PGBD4: variants seen among roughly 807,000 people sequenced by gnomAD.
PGBD4 encodes piggyBac transposable element derived 4.
A neutral mutation model predicts 0.3 loss-of-function variants in PGBD4; 1 was observed. The ratio of observed to expected loss-of-function variants is 3.72; its 90% CI spans 1.32 to 17.64. The LOEUF (loss-of-function observed/expected upper bound fraction) is 17.64. Ranked by LOEUF, PGBD4 falls within the 30% of genes most tolerant of loss-of-function variation. The probability of loss-of-function intolerance (pLI) is 0.11; values close to 1 mark genes in which losing one functional copy is unlikely to be tolerated. For synonymous variants in PGBD4, 253 were observed against 267.7 expected (o/e 0.95, Z 0.54); for missense variants, 624 against 719.7 (o/e 0.87, Z 1.52).
chr15:34,102,169 A>G lies in PGBD4; in HGVS notation c.-363A>G. 1 of 459,566 alleles carries G rather than the reference A, an allele frequency of 2.2e-6. No individual in the cohort carries two copies. Among genetic ancestry groups the G allele is most frequent in the East Asian group, 3.8e-5 (1 of 26,378 alleles). 28.5% of individuals were successfully genotyped at this position (459,566 alleles called of 1,614,324 possible). ...AGGCCAAGGACCTCACGGGAGTAAA[A>G]GATGACGAGACTGGCTTCGGGAGAA... On this transcript the variant is annotated 5_prime_UTR_variant, in exon 1 of 1. Coordinates refer to ENST00000397766, the MANE Select transcript of PGBD4 (RefSeq NM_152595.5). This position sits in a 1 kb window ranked among gnomAD's most constrained non-coding sequence, Gnocchi z 4.7.
In PGBD4 at chr15:34,106,791, G is replaced by A. The variant is rs756728781; in HGVS notation, c.*2502G>A. The A allele has an allele frequency of 3.3e-5, 5 of 150,906 alleles. No individual in the cohort carries two copies. Among genetic ancestry groups the A allele is most frequent in the Non-Finnish European group, 7.4e-5 (5 of 67,814 alleles). 9.3% of individuals were successfully genotyped at this position (150,906 alleles called of 1,614,324 possible). On this transcript the variant is annotated 3_prime_UTR_variant, in exon 1 of 1. Coordinates refer to ENST00000397766, the MANE Select transcript of PGBD4 (RefSeq NM_152595.5). Reference sequence around the variant, plus strand: ...GAAAAATATATACATTAAAAATAAGGCCAGGCACAGTGGCATGCCTGTAGT... The same window carrying A: ...GAAAAATATATACATTAAAAATAAGACCAGGCACAGTGGCATGCCTGTAGT...
chr15:34,104,153 G>C lies in PGBD4; in HGVS notation c.1622G>C (p.Cys541Ser). ...TSGKQNPTGR[C>S]KICCSQYDKD... ...GGGAAACAGAATCCAACTGGTCGCT[G>C]CAAAATTTGCTGCTCCCAATACGAC... Residue 541 changes from cysteine to serine, a missense_variant, in exon 1 of 1, where the codon TGC becomes TCC. Transcript: ENST00000397766. 1 of 1,614,160 alleles carries C rather than the reference G, an allele frequency of 6.2e-7. No individual in the cohort carries two copies. The highest frequency in any genetic ancestry group is 1.1e-5 in the South Asian group (1 of 91,090).
rs1901193328 is a variant in PGBD4, at chr15:34,102,312, C to T, written c.-220C>T. ...ATTTCTCCTTAGCCCCGAGATTACG[C>T]GCTGCTGTGCCTGCGACTGCAGCGT... On this transcript the variant is annotated 5_prime_UTR_variant, in exon 1 of 1. Transcript: ENST00000397766. The surrounding 1 kb of genome is among the most constrained non-coding windows in gnomAD (Gnocchi z 4.7). 2 of 614,358 alleles carry T rather than the reference C, an allele frequency of 3.3e-6. No homozygotes were observed. The highest frequency in any genetic ancestry group is 5.3e-6 in the Non-Finnish European group (2 of 374,898). The allele number at this position is 614,358 out of a possible 1,614,324, so 38.1% of individuals were successfully genotyped here. A position where few individuals can be genotyped will look rare whatever the true frequency, so the allele number is the denominator to read the frequency against.
Position 34,105,603 on chromosome 15 carries a change from C to CT in PGBD4, c.*1320dup. The CT allele has an allele frequency of 6.0e-6, 1 of 167,098 alleles. No individual in the cohort carries two copies. The highest frequency in any genetic ancestry group is 1.5e-5 in the Non-Finnish European group (1 of 68,116). 10.4% of individuals were successfully genotyped at this position (167,098 alleles called of 1,614,324 possible). On this transcript the variant is annotated 3_prime_UTR_variant, in exon 1 of 1. Coordinates refer to ENST00000397766, the MANE Select transcript of PGBD4 (RefSeq NM_152595.5). ...GCAGTACTGGGGTACTTGCCTTCAT[C>CT]TTTTTTCTGAAGATAGTTACTTCTT...
rs1567505796 is a variant in PGBD4, at chr15:34,104,100, T to C, written c.1569T>C (p.His523=). The change falls in exon 1 of 1, where the codon CAT becomes CAC. Residue 523 remains histidine, a synonymous_variant. Transcript: ENST00000397766. ...CACCTCTTCGTCTGTCTGGAAGACA[T>C]TTCCCCAAGAGCATACCAGCAACGT... ...DVTPLRLSGR[H]FPKSIPATSG... 5.6e-6 allele frequency: 9 copies of C among 1,614,096 alleles called. No individual in the cohort carries two copies. In the African/African-American group the frequency reaches 6.7e-5, roughly 12 times the overall value.
At position 34,103,321 on chromosome 15, in the gene PGBD4, C is replaced by G. The variant is rs199581079; in HGVS notation, c.790C>G (p.Gln264Glu). Residue 264 changes from glutamine to glutamate, a missense_variant, in exon 1 of 1, where the codon CAG becomes GAG. Coordinates refer to ENST00000397766, the MANE Select transcript of PGBD4 (RefSeq NM_152595.5). This position sits in a 1 kb window ranked among gnomAD's most constrained non-coding sequence, Gnocchi z 4.6. ...MLFKGPLAMK[Q>E]YLPTKRVRFG... ...GTTCAAGGGGCCATTAGCTATGAAG[C>G]AGTACCTCCCGACAAAACGAGTACG... 4.3e-6 allele frequency: 7 copies of G among 1,614,206 alleles called. No homozygotes were observed. In the South Asian group the frequency reaches 5.5e-5, roughly 13 times the overall value.
At position 34,104,436 on chromosome 15, in the gene PGBD4, C is replaced by T; in HGVS notation, c.*147C>T. 1 of 844,536 alleles carries T rather than the reference C, an allele frequency of 1.2e-6. No homozygotes were observed. The highest frequency in any genetic ancestry group is 1.8e-6 in the Non-Finnish European group (1 of 561,540). 52.3% of individuals were successfully genotyped at this position (844,536 alleles called of 1,614,324 possible). A position where few individuals can be genotyped will look rare whatever the true frequency, so the allele number is the denominator to read the frequency against. On this transcript the variant is annotated 3_prime_UTR_variant, in exon 1 of 1. Coordinates refer to ENST00000397766, the MANE Select transcript of PGBD4 (RefSeq NM_152595.5). ...TGGCCAACATGGTGAAACCCTGTCTCTACTAAAAATACAACAATTAGCTGG... is the reference window on the plus strand; with the variant it reads ...TGGCCAACATGGTGAAACCCTGTCTTTACTAAAAATACAACAATTAGCTGG...
At position 34,105,178 on chromosome 15, in the gene PGBD4, G is replaced by C. The variant is rs1483106585; in HGVS notation, c.*889G>C. 1.2e-5 allele frequency: 2 copies of C among 167,090 alleles called. No individual in the cohort carries two copies. The highest frequency in any genetic ancestry group is 2.9e-5 in the Non-Finnish European group (2 of 68,124). 10.4% of individuals were successfully genotyped at this position (167,090 alleles called of 1,614,324 possible). Reference sequence around the variant, plus strand: ...AAAAGGATTGGAAGACAATTTATCTGATGCTACACTATTCTTCCTGTTGTG... The same window carrying C: ...AAAAGGATTGGAAGACAATTTATCTCATGCTACACTATTCTTCCTGTTGTG... On this transcript the variant is annotated 3_prime_UTR_variant, in exon 1 of 1. Coordinates refer to ENST00000397766, the MANE Select transcript of PGBD4 (RefSeq NM_152595.5).
In PGBD4 at chr15:34,104,166, C is replaced by T. The variant is rs201953814; in HGVS notation, c.1635C>T (p.Cys545=). 3.1e-6 allele frequency: 5 copies of T among 1,614,212 alleles called. No homozygotes were observed. Among genetic ancestry groups the T allele is most frequent in the Non-Finnish European group, 4.2e-6 (5 of 1,180,044 alleles). ...CAACTGGTCGCTGCAAAATTTGCTG[C>T]TCCCAATACGACAAGGATGGCAAGA... ...QNPTGRCKIC[C]SQYDKDGKKI... is the part of the protein sequence containing the mutation. The change falls in exon 1 of 1, where the codon TGC becomes TGT. Residue 545 remains cysteine (C), a synonymous_variant. Transcript: ENST00000397766.
Position 34,102,654 on chromosome 15 carries a change from T to C in PGBD4, c.123T>C (p.Phe41=), listed in dbSNP as rs1901198705. The change falls in exon 1 of 1, where the codon TTT becomes TTC. Residue 41 remains phenylalanine, a synonymous_variant. Transcript: ENST00000397766. The surrounding 1 kb of genome is among the most constrained non-coding windows in gnomAD (Gnocchi z 4.7). ...DFSEIDDSDN[F]SDSALEADKI... Reference sequence around the variant, plus strand: ...CGGAAATAGATGATTCTGATAATTTTTCGGATAGTGCTTTAGAAGCCGATA... The same window carrying C: ...CGGAAATAGATGATTCTGATAATTTCTCGGATAGTGCTTTAGAAGCCGATA... 1.2e-6 allele frequency: 2 copies of C among 1,614,194 alleles called. No individual in the cohort carries two copies. Among genetic ancestry groups the C allele is most frequent in the Non-Finnish European group, 1.7e-6 (2 of 1,180,030 alleles).
chr15:34,102,521 C>T lies in PGBD4; in HGVS notation c.-11C>T, dbSNP rs1901196322. ...TCCATCTACAAAATATAGTAATTCT[C>T]GATCGCTGAAATGTCAAATCCTAGA... On this transcript the variant is annotated 5_prime_UTR_variant, in exon 1 of 1. Transcript: ENST00000397766. The surrounding 1 kb of genome is among the most constrained non-coding windows in gnomAD (Gnocchi z 4.7). 6.7e-7 allele frequency: 1 copy of T among 1,497,468 alleles called. No individual in the cohort carries two copies. The highest frequency in any genetic ancestry group is 1.4e-5 in the African/African-American group (1 of 71,092). 92.8% of individuals were successfully genotyped at this position (1,497,468 alleles called of 1,614,324 possible).
In PGBD4 at chr15:34,103,284, A is replaced by G. The variant is rs1361607470; in HGVS notation, c.753A>G (p.Glu251=). 4 of 1,614,106 alleles carry G rather than the reference A, an allele frequency of 2.5e-6. No individual in the cohort carries two copies. The highest frequency in any genetic ancestry group is 3.4e-6 in the Non-Finnish European group (4 of 1,180,048). ...YTPNRNIAVD[E]SLMLFKGPLA... ...CAAACAGAAACATTGCAGTTGATGAATCACTGATGCTGTTCAAGGGGCCAT... is the reference window on the plus strand; with the variant it reads ...CAAACAGAAACATTGCAGTTGATGAGTCACTGATGCTGTTCAAGGGGCCAT... The change falls in exon 1 of 1, where the codon GAA becomes GAG. Residue 251 remains glutamate (E), a synonymous_variant. Transcript: ENST00000397766. This position sits in a 1 kb window ranked among gnomAD's most constrained non-coding sequence, Gnocchi z 4.6.
At position 34,103,097 on chromosome 15, in the gene PGBD4, G is replaced by A. The variant is rs1901208175; in HGVS notation, c.566G>A (p.Arg189Lys). 6.2e-7 allele frequency: 1 copy of A among 1,613,746 alleles called. No individual in the cohort carries two copies. The highest frequency in any genetic ancestry group is 8.5e-7 in the Non-Finnish European group (1 of 1,179,974). The change falls in exon 1 of 1, where the codon AGG becomes AAG. Residue 189 changes from arginine (R) to lysine (K), a missense_variant. Coordinates refer to ENST00000397766, the MANE Select transcript of PGBD4 (RefSeq NM_152595.5). This position sits in a 1 kb window ranked among gnomAD's most constrained non-coding sequence, Gnocchi z 4.6. The part of the protein sequence containing the change: ...TRPLLDTPYL[R>K]QIMTGERFLL... ...CCTCTTTTGGATACACCTTATCTCA[G>A]GCAAATTATGACTGGTGAAAGATTT...
At position 34,104,181 on chromosome 15, in the gene PGBD4, G is replaced by A. The variant is rs1322397201; in HGVS notation, c.1650G>A (p.Lys550=). ...RCKICCSQYD[K]DGKKIRKETR... Reference sequence around the variant, plus strand: ...AAATTTGCTGCTCCCAATACGACAAGGATGGCAAGAAGATCCGGAAAGAAA... The same window carrying A: ...AAATTTGCTGCTCCCAATACGACAAAGATGGCAAGAAGATCCGGAAAGAAA... Residue 550 remains lysine, a synonymous_variant, in exon 1 of 1, where the codon AAG becomes AAA. Transcript: ENST00000397766. 1.9e-6 allele frequency: 3 copies of A among 1,614,202 alleles called. No individual in the cohort carries two copies. The highest frequency in any genetic ancestry group is 2.5e-6 in the Non-Finnish European group (3 of 1,180,046).
At position 34,104,064 on chromosome 15, in the gene PGBD4, C is replaced by T. The variant is rs746591927; in HGVS notation, c.1533C>T (p.Ser511=). 1.2e-6 allele frequency: 2 copies of T among 1,614,144 alleles called. No homozygotes were observed. The highest frequency in any genetic ancestry group is 1.7e-5 in the Admixed American group (1 of 60,006). Residue 511 remains serine, a synonymous_variant, in exon 1 of 1, where the codon TCC becomes TCT. Transcript: ENST00000397766. ...GQQHLRGRPC[S]DDVTPLRLSG... ...AACATCTTCGAGGTCGTCCTTGCTC[C>T]GATGATGTCACACCTCTTCGTCTGT...
In PGBD4 at chr15:34,103,231, G is replaced by A. The variant is rs1163634831; in HGVS notation, c.700G>A (p.Val234Ile). ...GATCAAACCTGTGTTCGACTTTCTT[G>A]TAAATAAATTTTCCACTGTATATAC... is the stretch of plus-strand genomic sequence containing the variant. The part of the protein sequence containing the change: ...QKIKPVFDFL[V>I]NKFSTVYTPN... Residue 234 changes from valine to isoleucine, a missense_variant, in exon 1 of 1, where the codon GTA becomes ATA. By Grantham distance (29) the Val-to-Ile change is conservative. Transcript: ENST00000397766. The surrounding 1 kb of genome is among the most constrained non-coding windows in gnomAD (Gnocchi z 4.6). The A allele has an allele frequency of 1.2e-6, 2 of 1,614,118 alleles. No homozygotes were observed. The highest frequency in any genetic ancestry group is 4.5e-5 in the East Asian group (2 of 44,880).
At position 34,103,387 on chromosome 15, in the gene PGBD4, G is replaced by T; in HGVS notation, c.856G>T (p.Gly286Cys). The part of the protein sequence containing the change: ...KLYVLCESQS[G>C]YVWNALVHTG... ...ATATGTACTTTGTGAAAGTCAGTCT[G>T]GTTATGTGTGGAATGCGCTTGTTCA... Residue 286 changes from glycine to cysteine, a missense_variant, in exon 1 of 1, where the codon GGT (glycine) becomes TGT (cysteine). Coordinates refer to ENST00000397766, the MANE Select transcript of PGBD4 (RefSeq NM_152595.5). The surrounding 1 kb of genome is among the most constrained non-coding windows in gnomAD (Gnocchi z 4.6). 6.2e-7 allele frequency: 1 copy of T among 1,614,192 alleles called. No individual in the cohort carries two copies. The highest frequency in any genetic ancestry group is 8.5e-7 in the Non-Finnish European group (1 of 1,180,042).
chr15:34,103,992 G>A lies in PGBD4; in HGVS notation c.1461G>A (p.Leu487=). 6.2e-7 allele frequency: 1 copy of A among 1,614,044 alleles called. No individual in the cohort carries two copies. ...CGATGAGCCATATAAACTTCAGACT[G>A]GCATTGATTGAAAGAATGCTGGAAA... ...EHTMSHINFR[L]ALIERMLEKH... Residue 487 remains leucine (L), a synonymous_variant, in exon 1 of 1, where the codon CTG becomes CTA. Transcript: ENST00000397766. This position sits in a 1 kb window ranked among gnomAD's most constrained non-coding sequence, Gnocchi z 4.6.
In PGBD4 at chr15:34,104,859, A is replaced by G; in HGVS notation, c.*570A>G. The G allele has an allele frequency of 6.6e-6, 1 of 152,218 alleles. No homozygotes were observed. The highest frequency in any genetic ancestry group is 1.5e-5 in the Non-Finnish European group (1 of 68,046). 9.4% of individuals were successfully genotyped at this position (152,218 alleles called of 1,614,324 possible). On this transcript the variant is annotated 3_prime_UTR_variant, in exon 1 of 1. Coordinates refer to ENST00000397766, the MANE Select transcript of PGBD4 (RefSeq NM_152595.5). ...TGGGTTTATCCATGTTGGTCAGGCT[A>G]GTCTTGACCTCCCGACCTCAGGTGA...
Sources: allele counts gnomAD v4.1 joint callset, GRCh38; gene constraint gnomAD v4.1.1; non-coding constraint Gnocchi (gnomAD v3.1); transcripts MANE v1.5; gene names NCBI Gene and HGNC (gene_info 2026-07-23, HGNC 2026-07-21).